Variants in SYNE2 observed in about 807,000 individuals in gnomAD.
The protein encoded by SYNE2 is nesprin-2.
Under a neutral mutation model 856.3 loss-of-function variants are expected in SYNE2, and 431 were observed. The ratio of observed to expected loss-of-function variants is 0.50; its 90% confidence interval spans 0.47 to 0.55. SYNE2 has a LOEUF of 0.55. SYNE2 is among the 20% of genes least tolerant of loss of function. SYNE2 has a pLI of 0.00. For synonymous variants in SYNE2, 2,923 were observed against 2,872.3 expected, an observed-to-expected ratio of 1.02 and a Z score of -0.56; for missense variants, 8,129 against 8,023.2, an observed-to-expected ratio of 1.01 and a Z score of -0.50.
chr14:63,777,591 T>C (rs1887157033), intron 1 of SYNE2, among the ~76,000 whole-genome samples: 1 of 152,202 alleles, frequency 6.6e-6, no homozygotes, highest in Admixed American at 6.6e-5. Flanking sequence ...AGAAGATAAT[T>C]ATTATAATTT....
Position 64,130,137 on chromosome 14 carries a change from G to A in SYNE2, c.14229G>A (p.Leu4743=). ...PFVTESQQDA[L]LQGMVELVKI... is the part of the protein sequence containing the mutation. The stretch of plus-strand genomic sequence containing the variant: ...TCACTGAGAGCCAGCAAGATGCTTT[G>A]TTGCAAGGCATGGTGGAACTGGTGA... Residue 4743 remains leucine (L), a synonymous_variant, in exon 76 of 116, where the codon TTG becomes TTA. Transcript: ENST00000555002. 6.2e-7 allele frequency: 1 copy of A among 1,614,162 alleles called. No individual in the cohort carries two copies. The highest frequency in any genetic ancestry group is 8.5e-7 in the Non-Finnish European group (1 of 1,180,030).
intron 6 of SYNE2, among the ~76,000 whole-genome samples, chr14:63,945,433 G>T (rs1217917454): frequency 6.6e-6 from 1 of 151,954 alleles, no homozygotes; most frequent in African/African-American, 2.4e-5. Flanking sequence ...ACTCTTTCGT[G>T]TTTGACTTAT....
At chr14:63,947,513 G>A (rs2096055060) in intron 6 of SYNE2, among the ~76,000 whole-genome samples, 1 of 151,976 alleles carries the variant, frequency 6.6e-6, no homozygotes, top group African/African-American at 2.4e-5. Flanking sequence ...TTTTCATATG[G>A]CTATCCAGTT....
intron 82 of SYNE2, 59 bp downstream of exon 82, chr14:64,142,147 G>A: frequency 6.3e-7 from 1 of 1,594,212 alleles, no homozygotes; most frequent in Non-Finnish European, 8.6e-7. Context: ...AATCAGAGGG[G>A]TAATGCTGGA....
At chr14:63,944,558 C>T (rs563848724) in intron 6 of SYNE2, among the ~76,000 whole-genome samples, 4 of 125,188 alleles carry the variant, frequency 3.2e-5, no homozygotes, top group Admixed American at 9.4e-5. Context: ...GAGTCTCGCT[C>T]TGTTGCCCAG....
At chr14:64,091,282 C>T (rs969049055) in intron 60 of SYNE2, among the ~76,000 whole-genome samples, 13 of 152,138 alleles carry the variant, frequency 8.5e-5, no homozygotes. Flanking sequence ...CAGTTGTTGA[C>T]CTACATGGGC....
intron 1 of SYNE2, among the ~76,000 whole-genome samples, chr14:63,771,123 G>A (rs965657844): frequency 7.5e-5 from 11 of 147,232 alleles, no homozygotes; most frequent in South Asian, 6.4e-4. Context: ...AGGCGGGAGC[G>A]CAGTGGCGCA....
intron 99 of SYNE2, among the ~76,000 whole-genome samples, chr14:64,194,598 A>C (rs965728381): frequency 6.6e-6 from 1 of 152,152 alleles, no homozygotes; most frequent in Non-Finnish European, 1.5e-5. Flanking sequence ...AGCCACCTGC[A>C]CCCAGCCTTT....
Position 64,071,111 on chromosome 14 carries a change from G to A in SYNE2, c.10697+201G>A, listed in dbSNP as rs72718399. ...CATCCTGGTATTAATGAGGGTGAAT[G>A]TCCTTCCAATTTCCTTTTTTATCAT... On this transcript the variant is annotated intron_variant, in intron 52 of 115. Transcript: ENST00000555002. Among the ~76,000 whole-genome samples, 11,316 of 152,192 alleles carry A rather than the reference G, an allele frequency of 0.074. 697 individuals are homozygous for A. Among genetic ancestry groups the A allele is most frequent in the African/African-American group, 0.17 (7,039 of 41,482 alleles).
intron 1 of SYNE2, among the ~76,000 whole-genome samples, chr14:63,857,353 G>T (rs755551681): frequency 6.6e-6 from 1 of 151,978 alleles, no homozygotes. Flanking sequence ...ACTGATAGAC[G>T]CCAGTTCATG....
chr14:63,970,014 C>T (rs760685346), intron 11 of SYNE2, among the ~76,000 whole-genome samples: 14 of 152,146 alleles, frequency 9.2e-5, no homozygotes, highest in Non-Finnish European at 1.3e-4. Context: ...TTTTTCTTGA[C>T]ATCTAGTAAT....
chr14:63,814,581 CAT>C (rs1483703346), intron 1 of SYNE2, among the ~76,000 whole-genome samples: 7 of 134,186 alleles, frequency 5.2e-5, no homozygotes, highest in African/African-American at 1.4e-4. Flanking sequence ...TATATGTATC[CAT>C]ATATATAATA....
intron 1 of SYNE2, among the ~76,000 whole-genome samples, chr14:63,901,043 T>C (rs529801032): frequency 6.6e-6 from 1 of 152,368 alleles, no homozygotes; most frequent in South Asian, 2.1e-4. Context: ...ATGCTACATC[T>C]GTTATGATAT....
intron 59 of SYNE2, among the ~76,000 whole-genome samples, chr14:64,090,177 GA>G (rs2097597774): frequency 6.6e-6 from 1 of 152,178 alleles, no homozygotes; most frequent in African/African-American, 2.4e-5. Context: ...TAGGACTAGG[GA>G]GGCCTGGATT....
chr14:64,143,716 C>A, intron 82 of SYNE2, 56 bp from the exon 83 acceptor site: 1 of 1,591,506 alleles, frequency 6.3e-7, no homozygotes, highest in Non-Finnish European at 8.6e-7. Context: ...AAGGGAAATC[C>A]ATTTGATCTG....
intron 41 of SYNE2, 70 bp from the exon 42 acceptor site, chr14:64,026,509 A>G: frequency 8.0e-7 from 1 of 1,246,068 alleles, no homozygotes; most frequent in African/African-American, 1.5e-5. Flanking sequence ...AAGCTTACAA[A>G]TAAAGAGATA....
chr14:64,056,017 C>T lies in SYNE2; in HGVS notation c.9818C>T (p.Thr3273Ile). The T allele has an allele frequency of 6.2e-7, 1 of 1,614,112 alleles. No individual in the cohort carries two copies. Among genetic ancestry groups the T allele is most frequent in the Non-Finnish European group, 8.5e-7 (1 of 1,179,968 alleles). The change falls in exon 49 of 116, where the codon ACT (threonine) becomes ATT (isoleucine). Residue 3273 changes from threonine to isoleucine, a missense_variant. Physicochemically the swap from Thr to Ile is moderately conservative, Grantham distance 89. This residue lies in a region of SYNE2 where 5,410 missense variants were observed against 5,284.8 expected (regional missense o/e 1.02). Coordinates refer to ENST00000555002, the MANE Select transcript of SYNE2 (RefSeq NM_182914.3). The stretch of plus-strand genomic sequence containing the variant: ...GTCACCAGGGCAGTGGAGAGCATCA[C>T]TTCCCTCGAAGCCATCATTATACCC... The part of the protein sequence containing the change: ...EAVTRAVESI[T>I]SLEAIIIPYR...
chr14:64,147,588 C>T (rs1306123390), intron 84 of SYNE2, among the ~76,000 whole-genome samples: 5 of 152,228 alleles, frequency 3.3e-5, no homozygotes, highest in Non-Finnish European at 7.3e-5. Context: ...CCCACAACCT[C>T]ACTACCAAGC....
chr14:64,149,321 AAAAG>A (rs1004997022), intron 84 of SYNE2, among the ~76,000 whole-genome samples: 7 of 152,162 alleles, frequency 4.6e-5, no homozygotes, highest in African/African-American at 1.7e-4. Flanking sequence ...CAGAAAGAAA[AAAAG>A]AAAAGAAAAT....
Sources: allele counts gnomAD v4.1 joint callset (sites outside exome capture counted in the v4.1 genomes callset), GRCh38; gene constraint gnomAD v4.1.1; regional missense constraint gnomAD v4.1.1; transcripts MANE v1.5; gene names NCBI Gene and HGNC (gene_info 2026-07-23, HGNC 2026-07-21).